Variants in RCAN1 observed in about 807,000 individuals in gnomAD.
RCAN1 encodes the protein calcipressin-1.
A neutral mutation model predicts 22.9 loss-of-function variants in RCAN1; 11 were observed. That is an observed-to-expected ratio of 0.48 (90% CI 0.30 to 0.79). The LOEUF (loss-of-function observed/expected upper bound fraction) is 0.79, where lower values mean the gene tolerates loss of function less well. RCAN1 is among the 30% of genes least tolerant of loss of function. The pLI is 0.06. For synonymous variants in RCAN1, 136 were observed against 142.3 expected, an observed-to-expected ratio of 0.96 and a Z score of 0.32; for missense variants, 291 against 337.8, an observed-to-expected ratio of 0.86 and a Z score of 1.09.
At chr21:34,602,380 C>A (rs951405294) in intron 1 of RCAN1, among the ~76,000 whole-genome samples, 1 of 152,194 alleles carries the variant, frequency 6.6e-6, no homozygotes, top group African/African-American at 2.4e-5. Context: ...CCCCATTTCA[C>A]CCTGTGTCTA....
intron 1 of RCAN1, among the ~76,000 whole-genome samples, chr21:34,531,495 G>C (rs1985386649): frequency 6.6e-6 from 1 of 152,186 alleles, no homozygotes; most frequent in South Asian, 2.1e-4. Flanking sequence ...GCAGCCCTCA[G>C]CAACTGTAAT....
intron 1 of RCAN1, among the ~76,000 whole-genome samples, chr21:34,596,329 T>C (rs1988150986): frequency 6.6e-6 from 1 of 152,132 alleles, no homozygotes; most frequent in Admixed American, 6.5e-5. Flanking sequence ...CCTGCTTCTT[T>C]TGAATGAACG....
intron 1 of RCAN1, among the ~76,000 whole-genome samples, chr21:34,571,496 GA>G (rs1987233000): frequency 3.9e-5 from 6 of 152,128 alleles, no homozygotes; most frequent in Admixed American, 2.6e-4. Flanking sequence ...TTTAATTAAA[GA>G]GAGCAAATTT....
intron 1 of RCAN1, among the ~76,000 whole-genome samples, chr21:34,599,209 T>C (rs770252576): frequency 8.5e-5 from 13 of 152,176 alleles, no homozygotes; most frequent in Admixed American, 2.0e-4. Flanking sequence ...ACATTATTTA[T>C]AATAGGGAAA....
At chr21:34,613,341 C>A (rs1204125499) in intron 1 of RCAN1, among the ~76,000 whole-genome samples, 3 of 152,230 alleles carry the variant, frequency 2.0e-5, no homozygotes, top group Non-Finnish European at 2.9e-5. Context: ...AAAATGTCAA[C>A]CCTGGAGGCA....
intron 1 of RCAN1, among the ~76,000 whole-genome samples, chr21:34,566,070 G>C (rs1178593555): frequency 1.3e-5 from 2 of 152,180 alleles, no homozygotes; most frequent in Admixed American, 1.3e-4. Flanking sequence ...TCTGGCCTAA[G>C]GGAAAGGGGC....
intron 1 of RCAN1, among the ~76,000 whole-genome samples, chr21:34,588,159 A>G (rs1031124127): frequency 6.6e-6 from 1 of 152,248 alleles, no homozygotes; most frequent in South Asian, 2.1e-4. Flanking sequence ...GTAGTCAATA[A>G]GCATTTCATA....
chr21:34,569,660 A>AGAAAAGGAAG (rs1378133772), intron 1 of RCAN1, among the ~76,000 whole-genome samples: 2 of 152,196 alleles, frequency 1.3e-5, no homozygotes, highest in East Asian at 3.8e-4. Context: ...ACAACTGGAG[A>AGAAAAGGAAG]GAAAAGGAAG....
rs1330538622 is a variant in RCAN1, at chr21:34,523,667, G to A, written c.296C>T (p.Thr99Ile). Residue 99 changes from threonine (T) to isoleucine (I), a missense_variant, in exon 2 of 4, where the codon ACC becomes ATC. Transcript: ENST00000313806. ...SLFRTYDKDI[T>I]FQYFKSFKRV... ...TTTGAAGCTCTTAAAATACTGAAAG[G>A]TGATGTCCTTGTCATACGTCCTAAA... The A allele has an allele frequency of 3.7e-6, 6 of 1,614,108 alleles. No homozygotes were observed. The highest frequency in any genetic ancestry group is 1.3e-5 in the African/African-American group (1 of 75,006).
intron 1 of RCAN1, among the ~76,000 whole-genome samples, chr21:34,554,997 T>C (rs1021632330): frequency 1.3e-5 from 2 of 152,146 alleles, no homozygotes; most frequent in African/African-American, 4.8e-5. Flanking sequence ...CCACAACACG[T>C]GGGAATTATG....
intron 1 of RCAN1, chr21:34,613,905 T>A: frequency 7.4e-7 from 1 of 1,343,376 alleles, no homozygotes; most frequent in Non-Finnish European, 9.8e-7. Context: ...TGACAGCTGC[T>A]CTCCTAATGG....
rs1988768414 is a variant in RCAN1 at position 34,614,622 on chromosome 21, C to A, written c.252+138G>T. ...CCCCACGCCCCAGCCCTGACGGGTC[C>A]GCGGCCGAGCAGCCCGGGGGACGTC... On this transcript the variant is annotated intron_variant, in intron 1 of 3. Transcript: ENST00000313806. The surrounding 1 kb of genome is among the most constrained non-coding windows in gnomAD (Gnocchi z 6.0). 9.3e-7 allele frequency: 1 copy of A among 1,076,188 alleles called. No individual in the cohort carries two copies. The highest frequency in any genetic ancestry group is 1.1e-6 in the Non-Finnish European group (1 of 873,914). 66.7% of individuals were successfully genotyped at this position (1,076,188 alleles called of 1,614,324 possible). A position where few individuals can be genotyped will look rare whatever the true frequency, so the allele number is the denominator to read the frequency against.
At chr21:34,554,385 G>A (rs1377512885) in intron 1 of RCAN1, among the ~76,000 whole-genome samples, 2 of 152,172 alleles carry the variant, frequency 1.3e-5, no homozygotes, top group African/African-American at 2.4e-5. Context: ...CTGAAAGTGT[G>A]GTGCTGAAAC....
intron 1 of RCAN1, among the ~76,000 whole-genome samples, chr21:34,594,087 G>A (rs551506210): frequency 2.0e-5 from 3 of 152,276 alleles, no homozygotes; most frequent in South Asian, 2.1e-4. Flanking sequence ...AGTTCCTGTC[G>A]TGACCCTTGA....
At chr21:34,553,722 G>A (rs1986453502) in intron 1 of RCAN1, among the ~76,000 whole-genome samples, 1 of 152,188 alleles carries the variant, frequency 6.6e-6, no homozygotes, top group Non-Finnish European at 1.5e-5. Context: ...ATTCCAGTAA[G>A]CAAGCCTGTA....
intron 1 of RCAN1, among the ~76,000 whole-genome samples, chr21:34,551,256 GTAT>G (rs1330265604): frequency 4.0e-4 from 61 of 152,192 alleles, no homozygotes; most frequent in Non-Finnish European, 7.5e-4. Context: ...TGGATGGTGT[GTAT>G]GAAGGTCTGT....
At chr21:34,605,214 AAAG>A (rs1988484368) in intron 1 of RCAN1, among the ~76,000 whole-genome samples, 1 of 152,176 alleles carries the variant, frequency 6.6e-6, no homozygotes, top group Non-Finnish European at 1.5e-5. Context: ...AAGAATGTGA[AAAG>A]ACTAAACTGG....
chr21:34,572,352 C>T (rs1987263531), intron 1 of RCAN1, among the ~76,000 whole-genome samples: 1 of 152,084 alleles, frequency 6.6e-6, no homozygotes, highest in Non-Finnish European at 1.5e-5. Flanking sequence ...AGCTCCGACA[C>T]CATGTGCCCT....
At chr21:34,557,623 G>C (rs1227538498) in intron 1 of RCAN1, among the ~76,000 whole-genome samples, 1 of 152,188 alleles carries the variant, frequency 6.6e-6, no homozygotes, top group African/African-American at 2.4e-5. Flanking sequence ...ACACGTGGTG[G>C]CTTTTTAAAA....
Sources: allele counts gnomAD v4.1 joint callset (sites outside exome capture counted in the v4.1 genomes callset), GRCh38; gene constraint gnomAD v4.1.1; non-coding constraint Gnocchi (gnomAD v3.1); transcripts MANE v1.5; gene names NCBI Gene and HGNC (gene_info 2026-07-23, HGNC 2026-07-21).